The following SMC1B variants were observed in gnomAD, a reference collection of about 807,000 sequenced individuals.
The protein encoded by SMC1B is structural maintenance of chromosomes protein 1B.
A neutral mutation model predicts 157.9 loss-of-function variants in SMC1B; 60 were observed. That is an observed-to-expected ratio of 0.38 (90% CI 0.31 to 0.47). SMC1B has a LOEUF of 0.47. SMC1B is among the 20% of genes least tolerant of loss of function. The pLI, the probability that SMC1B is intolerant of heterozygous loss-of-function variation, is 0.99. For synonymous variants in SMC1B, 445 were observed against 483.0 expected, an observed-to-expected ratio of 0.92 and a Z score of 1.03; for missense variants, 1,165 against 1,426.2, an observed-to-expected ratio of 0.82 and a Z score of 2.95.
intron 2 of SMC1B, among the ~76,000 whole-genome samples, chr22:45,408,225 A>G (rs1056325302): frequency 1.6e-4 from 25 of 152,114 alleles, no homozygotes; most frequent in Non-Finnish European, 3.4e-4. Flanking sequence ...TCCCGGGTTC[A>G]TGCCATTCTC....
At chr22:45,400,473 A>G (rs2087179520) in intron 5 of SMC1B, among the ~76,000 whole-genome samples, 1 of 152,228 alleles carries the variant, frequency 6.6e-6, no homozygotes, top group African/African-American at 2.4e-5. Context: ...TATAACTCTA[A>G]ATGTAAAATA....
chr22:45,370,073 T>A lies in SMC1B; in HGVS notation c.2314-13A>T. The A allele has an allele frequency of 4.5e-6, 6 of 1,334,354 alleles. No individual in the cohort carries two copies. The highest frequency in any genetic ancestry group is 6.2e-6 in the Non-Finnish European group (6 of 969,228). The allele number at this position is 1,334,354 out of a possible 1,614,324, so 82.7% of individuals were successfully genotyped here. ...TATCGTCTTCTACCTTTTAAATTAT[T>A]TTAAAACAATTGATTTAATAAGCAA... On this transcript the variant is annotated splice_polypyrimidine_tract_variant and intron_variant, in intron 14 of 24. Transcript: ENST00000357450.
At chr22:45,413,204 A>T (rs1189679333) in intron 1 of SMC1B, among the ~76,000 whole-genome samples, 1 of 151,478 alleles carries the variant, frequency 6.6e-6, no homozygotes, top group Non-Finnish European at 1.5e-5. Flanking sequence ...TGGAAGGGTC[A>T]GGACCTCCGA....
At chr22:45,413,343 G>C in intron 1 of SMC1B, 116 bp downstream of exon 1, 1 of 770,778 alleles carries the variant, frequency 1.3e-6, no homozygotes, top group Non-Finnish European at 2.1e-6. Context: ...TCCGGGACTG[G>C]AAGGGGAAGG....
At position 45,363,000 on chromosome 22, in the gene SMC1B, C is replaced by G; in HGVS notation, c.2447G>C (p.Arg816Pro). The change falls in exon 16 of 25, where the codon CGG (arginine) becomes CCG (proline). Residue 816 changes from arginine (R) to proline (P), a missense_variant. Physicochemically the swap from Arg to Pro is moderately radical, Grantham distance 103 (BLOSUM62 -2). Transcript: ENST00000357450. Reference protein sequence around the residue: ...KRLEFEKQKTRLNVQLEYSRS... With the variant: ...KRLEFEKQKTPLNVQLEYSRS... The stretch of plus-strand genomic sequence containing the variant: ...ACTATACTCAAGTTGAACATTAAGC[C>G]GAGTTTTTTGTTTTTCAAATTCTAA... 1 of 1,585,128 alleles carries G rather than the reference C, an allele frequency of 6.3e-7. No homozygotes were observed. The highest frequency in any genetic ancestry group is 1.2e-5 in the South Asian group (1 of 84,764).
At chr22:45,349,534 CCATGTTGGTCAGGCTGGTCT>C (rs1569172022) in intron 23 of SMC1B, among the ~76,000 whole-genome samples, 174 bp downstream of exon 23, 3 of 5,254 alleles carry the variant, frequency 5.7e-4, no homozygotes, top group South Asian at 2.3e-3. Flanking sequence ...CGGAGATTCA[CCATGTTGGTCAGGCTGGTCT>C]TAAACTCCTG....
chr22:45,375,510 T>G (rs1310478282), intron 12 of SMC1B, among the ~76,000 whole-genome samples: 1 of 152,238 alleles, frequency 6.6e-6, no homozygotes, highest in African/African-American at 2.4e-5. Flanking sequence ...CTACATTGAA[T>G]AGTGATAACA....
intron 9 of SMC1B, 119 bp from the exon 10 acceptor site, chr22:45,390,016 A>G (rs1334075778): frequency 1.3e-6 from 1 of 758,364 alleles, no homozygotes; most frequent in African/African-American, 1.8e-5. Flanking sequence ...AATTACATAC[A>G]TCATAATTAA....
intron 24 of SMC1B, 47 bp from the exon 25 acceptor site, chr22:45,344,704 A>G (rs1043352543): frequency 1.5e-6 from 2 of 1,334,874 alleles, no homozygotes; most frequent in Non-Finnish European, 2.2e-6. Context: ...TTAGGGAAAA[A>G]GTATTATTAA....
rs553369430 is a variant in SMC1B at position 45,385,712 on chromosome 22, A to T, written c.1911+1155T>A. On this transcript the variant is annotated intron_variant, in intron 11 of 24. Coordinates refer to ENST00000357450, the MANE Select transcript of SMC1B (RefSeq NM_148674.5). ...TCAATTCTATAAAATATACAAATATACAAAAGTCAATGTTAGTGCAGTTAA... is the reference window on the plus strand; with the variant it reads ...TCAATTCTATAAAATATACAAATATTCAAAAGTCAATGTTAGTGCAGTTAA... 2.0e-5 allele frequency among the ~76,000 whole-genome samples: 3 copies of T among 152,230 alleles called. No homozygotes were observed. The East Asian group carries it at 5.8e-4, about 29-fold the overall frequency.
intron 19 of SMC1B, among the ~76,000 whole-genome samples, chr22:45,356,726 T>C (rs2086673484): frequency 6.7e-6 from 1 of 150,094 alleles, no homozygotes; most frequent in African/African-American, 2.5e-5. Flanking sequence ...ATTTTTCTTT[T>C]CTTTTTTTTT....
chr22:45,396,395 G>A lies in SMC1B; in HGVS notation c.1205C>T (p.Thr402Ile), dbSNP rs781004430. Residue 402 changes from threonine to isoleucine, a missense_variant, in exon 7 of 25, where the codon ACA becomes ATA. By Grantham distance (89) the Thr-to-Ile change is moderately conservative. Transcript: ENST00000357450. The stretch of plus-strand genomic sequence containing the variant: ...TTCAAATGCCAGTCTTTCTTCATCT[G>A]TCTTCTGTTCCCACTGCAGTTTTTC... The part of the protein sequence containing the change: ...QLEKLQWEQK[T>I]DEERLAFEKR... 20 of 1,612,748 alleles carry A rather than the reference G, an allele frequency of 1.2e-5. No homozygotes were observed. In the Middle Eastern group the frequency reaches 5.0e-4, roughly 40 times the overall value.
intron 15 of SMC1B, among the ~76,000 whole-genome samples, chr22:45,367,203 AAAG>A (rs2146787842): frequency 6.6e-6 from 1 of 152,244 alleles, no homozygotes; most frequent in Admixed American, 6.5e-5. Flanking sequence ...TCTTCACATT[AAAG>A]GATTATCTCT....
chr22:45,360,029 T>C, intron 17 of SMC1B, 71 bp from the exon 18 acceptor site: 1 of 1,172,794 alleles, frequency 8.5e-7, no homozygotes, highest in South Asian at 1.4e-5. Context: ...GAAAAATGTA[T>C]GCTATAAACT....
At chr22:45,382,962 C>T (rs1001869089) in intron 12 of SMC1B, among the ~76,000 whole-genome samples, 6 of 151,950 alleles carry the variant, frequency 3.9e-5, no homozygotes, top group Non-Finnish European at 2.9e-5. Flanking sequence ...GGAGAAACCC[C>T]GTCTCTACTA....
At chr22:45,394,897 C>A in intron 7 of SMC1B, 130 bp from the exon 8 acceptor site, 1 of 1,092,730 alleles carries the variant, frequency 9.2e-7, no homozygotes, top group Non-Finnish European at 1.2e-6. Context: ...TATATGAAAA[C>A]ACTTATCAGA....
intron 6 of SMC1B, among the ~76,000 whole-genome samples, chr22:45,398,234 G>A (rs1020813319): frequency 1.3e-5 from 2 of 152,186 alleles, no homozygotes; most frequent in Non-Finnish European, 2.9e-5. Flanking sequence ...TCATCTGGGC[G>A]CCAGAGCCCA....
In SMC1B at chr22:45,349,734, T is replaced by C; in HGVS notation, c.3489A>G (p.Ile1163Met). Residue 1163 changes from isoleucine to methionine, a missense_variant, in exon 23 of 25, where the codon ATA (isoleucine) becomes ATG (methionine). Physicochemically the swap from Ile to Met is conservative, Grantham distance 10 (BLOSUM62 1). Coordinates refer to ENST00000357450, the MANE Select transcript of SMC1B (RefSeq NM_148674.5). ...ATGAAAAGCAGAAACTTACTTTGCCTATGTTAGTATTGTCTAGGGCTGCAT... is the reference window on the plus strand; with the variant it reads ...ATGAAAAGCAGAAACTTACTTTGCCCATGTTAGTATTGTCTAGGGCTGCAT... ...EVDAALDNTN[I>M]GKVSSYIKEQ... is the part of the protein sequence containing the mutation. 1 of 1,612,058 alleles carries C rather than the reference T, an allele frequency of 6.2e-7. No individual in the cohort carries two copies.
At chr22:45,351,212 T>G (rs1306283787) in intron 22 of SMC1B, among the ~76,000 whole-genome samples, 2 of 152,220 alleles carry the variant, frequency 1.3e-5, no homozygotes, top group East Asian at 3.8e-4. Flanking sequence ...CTAATTTACC[T>G]TATTTATTAT....
Sources: allele counts gnomAD v4.1 joint callset (sites outside exome capture counted in the v4.1 genomes callset), GRCh38; gene constraint gnomAD v4.1.1; transcripts MANE v1.5; gene names NCBI Gene and HGNC (gene_info 2026-07-23, HGNC 2026-07-21).